Variants in CSMD1 observed in about 807,000 individuals in gnomAD.
CSMD1 encodes CUB and sushi domain-containing protein 1.
Under a neutral mutation model 417.5 loss-of-function variants are expected in CSMD1, and 213 were observed. That is an observed-to-expected ratio of 0.51 (90% confidence interval 0.46 to 0.57). The LOEUF is 0.57. CSMD1 is among the 20% of genes least tolerant of loss of function. CSMD1 has a pLI of 0.00. For missense variants in CSMD1, 6,923 were observed against 4,529.7 expected, an observed-to-expected ratio of 1.53 and a Z score of -15.17; for synonymous variants, 2,862 against 1,736.8, an observed-to-expected ratio of 1.65 and a Z score of -16.11.
chr8:3,361,798 T>A (rs1809200998), intron 20 of CSMD1, among the ~76,000 whole-genome samples: 1 of 152,294 alleles, frequency 6.6e-6, no homozygotes, highest in South Asian at 2.1e-4. Flanking sequence ...TTACTATATA[T>A]TGTAGTTTAT....
intron 26 of CSMD1, among the ~76,000 whole-genome samples, chr8:3,265,224 G>A (rs1801349466): frequency 6.6e-6 from 1 of 152,074 alleles, no homozygotes; most frequent in African/African-American, 2.4e-5. Flanking sequence ...GACACATAAC[G>A]AAGAAATAAT....
chr8:4,524,145 A>G (rs545057058), intron 2 of CSMD1, among the ~76,000 whole-genome samples: 1 of 152,240 alleles, frequency 6.6e-6, no homozygotes, highest in South Asian at 2.1e-4. Context: ...ATCCAGACCT[A>G]TGCATCATAT....
chr8:4,042,481 A>T (rs2130643002), intron 3 of CSMD1, among the ~76,000 whole-genome samples: 1 of 152,252 alleles, frequency 6.6e-6, no homozygotes, highest in East Asian at 1.9e-4. Flanking sequence ...AGGGTAGAGA[A>T]ACAAGTTCAG....
chr8:4,581,223 T>A (rs1441936970), intron 2 of CSMD1, among the ~76,000 whole-genome samples: 2 of 152,210 alleles, frequency 1.3e-5, no homozygotes, highest in South Asian at 4.1e-4. Flanking sequence ...ATGAAAAGAA[T>A]GTTTCATATA....
At chr8:4,687,346 C>G (rs190746764) in intron 1 of CSMD1, among the ~76,000 whole-genome samples, 1 of 152,126 alleles carries the variant, frequency 6.6e-6, no homozygotes, top group East Asian at 1.9e-4. Flanking sequence ...CCAGATCGAA[C>G]AGGACTAAAG....
At chr8:3,463,146 C>T (rs775390904) in intron 12 of CSMD1, among the ~76,000 whole-genome samples, 40 of 152,194 alleles carry the variant, frequency 2.6e-4, no homozygotes, top group South Asian at 6.2e-4. Flanking sequence ...TATTCTGTTA[C>T]GGCAACCTGA....
In CSMD1 at chr8:3,130,430, C is replaced by G. The variant is rs530685923; in HGVS notation, c.6242-11843G>C. Among the ~76,000 whole-genome samples the G allele has an allele frequency of 1.7e-4, 26 of 152,198 alleles. No individual in the cohort carries two copies. The South Asian group carries it at 5.4e-3, about 32-fold the overall frequency. ...TCTTCACTGCTTCCCCTGCTCTACTCTTCCCTCGCTTCCCCCAACCCCCAT... is the reference window on the plus strand; with the variant it reads ...TCTTCACTGCTTCCCCTGCTCTACTGTTCCCTCGCTTCCCCCAACCCCCAT... On this transcript the variant is annotated intron_variant, in intron 41 of 69. Transcript: ENST00000635120.
In CSMD1 at chr8:4,145,685, G is replaced by A. The variant is rs1350256675; in HGVS notation, c.416-113586C>T. Among the ~76,000 whole-genome samples the A allele has an allele frequency of 4.0e-5, 6 of 150,922 alleles. No homozygotes were observed. In the East Asian group the frequency reaches 9.7e-4, roughly 24 times the overall value. ...ATTACAGCCTCACAACACCACACCTGGCCACATTCCGCATTTCTTAATGAA... is the reference window on the plus strand; with the variant it reads ...ATTACAGCCTCACAACACCACACCTAGCCACATTCCGCATTTCTTAATGAA... On this transcript the variant is annotated intron_variant, in intron 3 of 69. Coordinates refer to ENST00000635120, the MANE Select transcript of CSMD1 (RefSeq NM_033225.6).
chr8:4,127,999 C>A (rs1248738327), intron 3 of CSMD1, among the ~76,000 whole-genome samples: 1 of 152,192 alleles, frequency 6.6e-6, no homozygotes, highest in African/African-American at 2.4e-5. Context: ...GAAAGGGATG[C>A]TGTCACTTGA....
intron 5 of CSMD1, among the ~76,000 whole-genome samples, chr8:3,861,002 A>G (rs1449399384): frequency 1.3e-5 from 2 of 152,242 alleles, no homozygotes; most frequent in East Asian, 3.8e-4. Context: ...GGAAAGTATG[A>G]CAGATATGTA....
chr8:3,189,804 T>C (rs1212466430), intron 34 of CSMD1, 108 bp downstream of exon 34: 1 of 985,790 alleles, frequency 1.0e-6, no homozygotes, highest in African/African-American at 1.6e-5. Flanking sequence ...GCCCTTTAAA[T>C]GGGTCATGAG....
At chr8:4,333,338 C>T (rs774963190) in intron 3 of CSMD1, among the ~76,000 whole-genome samples, 2 of 152,202 alleles carry the variant, frequency 1.3e-5, no homozygotes, top group East Asian at 1.9e-4. Context: ...AGAGATGATA[C>T]AGAAAGGGCG....
At chr8:3,747,098 GT>G (rs1308015412) in intron 6 of CSMD1, among the ~76,000 whole-genome samples, 1 of 152,234 alleles carries the variant, frequency 6.6e-6, no homozygotes, top group Non-Finnish European at 1.5e-5. Flanking sequence ...AGTATGACAA[GT>G]CGGTGGAGAA....
rs1022278918 is a variant in CSMD1 at position 3,534,364 on chromosome 8, G to T, written c.1344+40581C>A. ...ACACTCCTCTCAGTTCTCTTTAAAT[G>T]CCGTGTTCAGGATTGCTTTGTAGAC... is the stretch of plus-strand genomic sequence containing the variant. On this transcript the variant is annotated intron_variant, in intron 10 of 69. Transcript: ENST00000635120. Among the ~76,000 whole-genome samples, 3 of 151,870 alleles carry T rather than the reference G, an allele frequency of 2.0e-5. No homozygotes were observed. The South Asian group carries it at 6.2e-4, about 32-fold the overall frequency.
chr8:3,906,234 C>T (rs1462352744), intron 5 of CSMD1, among the ~76,000 whole-genome samples: 1 of 151,888 alleles, frequency 6.6e-6, no homozygotes, highest in Non-Finnish European at 1.5e-5. Flanking sequence ...CCACAAAATG[C>T]CATAGCATTG....
At chr8:4,649,973 G>A (rs1803780647) in intron 1 of CSMD1, among the ~76,000 whole-genome samples, 1 of 152,212 alleles carries the variant, frequency 6.6e-6, no homozygotes, top group African/African-American at 2.4e-5. Context: ...AGATGACACA[G>A]CTGCCTTGAA....
chr8:3,236,778 G>A (rs904777014), intron 26 of CSMD1, among the ~76,000 whole-genome samples: 2 of 152,072 alleles, frequency 1.3e-5, no homozygotes, highest in Non-Finnish European at 2.9e-5. Flanking sequence ...GACTCTGAAG[G>A]TTTCTAGTTT....
chr8:3,316,169 G>A (rs1426450762), intron 23 of CSMD1, among the ~76,000 whole-genome samples: 3 of 152,078 alleles, frequency 2.0e-5, no homozygotes, highest in South Asian at 2.1e-4. Context: ...CATCCAGTTG[G>A]CAAATATTGT....
At chr8:4,537,963 T>G (rs79909066) in intron 2 of CSMD1, among the ~76,000 whole-genome samples, 2 of 152,226 alleles carry the variant, frequency 1.3e-5, no homozygotes, top group Non-Finnish European at 2.9e-5. Context: ...AATTTGCTTT[T>G]AACAGCTGTA....
Sources: allele counts gnomAD v4.1 joint callset (sites outside exome capture counted in the v4.1 genomes callset), GRCh38; gene constraint gnomAD v4.1.1; transcripts MANE v1.5; gene names NCBI Gene and HGNC (gene_info 2026-07-23, HGNC 2026-07-21).